Variants in LPP observed in about 807,000 individuals in gnomAD.
LPP encodes LIM domain containing preferred translocation partner in lipoma, also known as lipoma-preferred partner.
Under a neutral mutation model 60.4 loss-of-function variants are expected in LPP, and 38 were observed. The ratio of observed to expected loss-of-function variants is 0.63; its 90% confidence interval spans 0.49 to 0.83. LPP has a LOEUF of 0.83. LPP is among the 40% of genes least tolerant of loss of function. The probability of loss-of-function intolerance (pLI) is 0.00; values close to 1 mark genes in which losing one functional copy is unlikely to be tolerated. For synonymous variants in LPP, 328 were observed against 290.8 expected (o/e 1.13, Z -1.30); for missense variants, 902 against 783.6 (o/e 1.15, Z -1.80).
At chr3:188,591,842 G>A (rs1241293321) in intron 6 of LPP, among the ~76,000 whole-genome samples, 2 of 152,162 alleles carry the variant, frequency 1.3e-5, no homozygotes, top group East Asian at 1.9e-4. Context: ...ATTGTCTTGA[G>A]ACAACAAGGC....
intron 7 of LPP, among the ~76,000 whole-genome samples, chr3:188,630,717 ATGCACTTGTATGTTCAT>A (rs1847709491): frequency 6.6e-6 from 1 of 152,198 alleles, no homozygotes; most frequent in African/African-American, 2.4e-5. Context: ...GAAAAGACAA[ATGCACTTGTATGTTCAT>A]TGCAGCACTA....
chr3:188,832,743 G>A lies in LPP; in HGVS notation c.1411-33457G>A, dbSNP rs564110650. Among the ~76,000 whole-genome samples, 3 of 152,268 alleles carry A rather than the reference G, an allele frequency of 2.0e-5. No individual in the cohort carries two copies. The South Asian group carries it at 6.2e-4, about 32-fold the overall frequency. ...TGGCAAGGAACTTCCATTTCACAGG[G>A]CAACCATGTGTGTATTACAGAGGCT... is the stretch of plus-strand genomic sequence containing the variant. On this transcript the variant is annotated intron_variant, in intron 9 of 11. Coordinates refer to ENST00000617246, the MANE Select transcript of LPP (RefSeq NM_001375462.1).
chr3:188,664,601 A>ATG (rs537596536), intron 7 of LPP, among the ~76,000 whole-genome samples: 35 of 150,918 alleles, frequency 2.3e-4, no homozygotes, highest in Admixed American at 9.3e-4. Context: ...ATATATGTGT[A>ATG]TGTGTGTGTG....
In LPP at chr3:188,529,205, A is replaced by G. The variant is rs755656902; in HGVS notation, c.429+4418A>G. On this transcript the variant is annotated intron_variant, in intron 6 of 11. Coordinates refer to ENST00000617246, the MANE Select transcript of LPP (RefSeq NM_001375462.1). ...ACAATAATCACACACTTAAAATATTAAAAGTATGTGCCAAGAGAAGATGAT... is the reference window on the plus strand; with the variant it reads ...ACAATAATCACACACTTAAAATATTGAAAGTATGTGCCAAGAGAAGATGAT... Among the ~76,000 whole-genome samples, 229 of 152,360 alleles carry G rather than the reference A, an allele frequency of 1.5e-3. 3 individuals are homozygous for G. Among genetic ancestry groups the G allele is most frequent in the Non-Finnish European group, 2.1e-3 (140 of 68,034 alleles).
chr3:188,513,220 A>C (rs1391744330), intron 5 of LPP, among the ~76,000 whole-genome samples: 2 of 152,228 alleles, frequency 1.3e-5, no homozygotes, highest in African/African-American at 4.8e-5. Context: ...AGAGTTCAGA[A>C]AAGACAGTTC....
chr3:188,713,584 A>C (rs1712534508), intron 8 of LPP, among the ~76,000 whole-genome samples: 1 of 152,128 alleles, frequency 6.6e-6, no homozygotes, highest in African/African-American at 2.4e-5. Context: ...TTTATTTTGA[A>C]ATATTGATAG....
chr3:188,368,451 T>A lies in LPP; in HGVS notation c.-10+26732T>A, dbSNP rs528543068. ...GTTAAGCTGGAAGGGTCCTCAGAGA[T>A]CTTGTCCAAGCCCACCCTTGACAGA... On this transcript the variant is annotated intron_variant, in intron 3 of 11. Transcript: ENST00000617246. 4.0e-5 allele frequency among the ~76,000 whole-genome samples: 6 copies of A among 151,862 alleles called. No homozygotes were observed. The South Asian group carries it at 1.0e-3, about 26-fold the overall frequency.
At position 188,248,495 on chromosome 3, in the gene LPP, T is replaced by TATATATATATATATATATATATAC. The variant is rs1358563921; in HGVS notation, c.-67+22971_-67+22972insTATATATATATATATATATACATA. On this transcript the variant is annotated intron_variant, in intron 2 of 11. Coordinates refer to ENST00000617246, the MANE Select transcript of LPP (RefSeq NM_001375462.1). The stretch of plus-strand genomic sequence containing the variant: ...ATATATATATATATATATATATATA[T>TATATATATATATATATATATATAC]ATACAGTCAGCAGAGCTTGTTTTGG... 1.0e-4 allele frequency among the ~76,000 whole-genome samples: 14 copies of TATATATATATATATATATATATAC among 138,590 alleles called. 1 individual carries two copies. The highest frequency in any genetic ancestry group is 3.1e-4 in the African/African-American group (11 of 34,924). 90.9% of individuals were successfully genotyped at this position (138,590 alleles called of 152,430 possible).
In LPP at chr3:188,217,739, G is replaced by A. The variant is rs906255885; in HGVS notation, c.-189-7666G>A. Reference sequence around the variant, plus strand: ...AGGGAAATGAAAATAGGTGCCCTAGGGGGTTGCCCAGATAAGCAGCTGGCG... The same window carrying A: ...AGGGAAATGAAAATAGGTGCCCTAGAGGGTTGCCCAGATAAGCAGCTGGCG... On this transcript the variant is annotated intron_variant, in intron 1 of 11. Coordinates refer to ENST00000617246, the MANE Select transcript of LPP (RefSeq NM_001375462.1). The surrounding 1 kb of genome is among the most constrained non-coding windows in gnomAD (Gnocchi z 4.0). 5.9e-5 allele frequency among the ~76,000 whole-genome samples: 9 copies of A among 152,146 alleles called. No individual in the cohort carries two copies. Among genetic ancestry groups the A allele is most frequent in the African/African-American group, 1.9e-4 (8 of 41,426 alleles).
At chr3:188,828,483 C>T (rs1031491589) in intron 9 of LPP, among the ~76,000 whole-genome samples, 16 of 151,050 alleles carry the variant, frequency 1.1e-4, no homozygotes, top group African/African-American at 2.7e-4. Context: ...GGCATGGTGG[C>T]GGGCACCTGT....
At chr3:188,821,603 A>G (rs1753979454) in intron 9 of LPP, among the ~76,000 whole-genome samples, 1 of 152,044 alleles carries the variant, frequency 6.6e-6, no homozygotes, top group Admixed American at 6.6e-5. Context: ...TTACAATAAT[A>G]TATGTGCATA....
intron 1 of LPP, among the ~76,000 whole-genome samples, chr3:188,222,643 CTCTCTT>C (rs1303175620): frequency 1.3e-5 from 2 of 151,586 alleles, no homozygotes; most frequent in Non-Finnish European, 2.9e-5. Flanking sequence ...TTTTTTTATC[CTCTCTT>C]TCTCTGTCTC....
chr3:188,315,239 A>G (rs1279279297), intron 2 of LPP, among the ~76,000 whole-genome samples: 1 of 152,074 alleles, frequency 6.6e-6, no homozygotes, highest in Non-Finnish European at 1.5e-5. Context: ...ATTTATGGTT[A>G]TATTTCACAT....
intron 2 of LPP, among the ~76,000 whole-genome samples, chr3:188,269,645 A>AATGTGTGTG: frequency 7.3e-6 from 1 of 136,516 alleles, no homozygotes; most frequent in South Asian, 2.4e-4. Flanking sequence ...CTTTTTTTTT[A>AATGTGTGTG]TGTGTGTGTG....
intron 1 of LPP, chr3:188,179,337 C>T (rs763912527): frequency 1.3e-5 from 6 of 458,126 alleles, no homozygotes; most frequent in South Asian, 4.6e-5. Flanking sequence ...CACAGCTCTG[C>T]GGCCTCCTCC....
chr3:188,167,501 C>CACAAAACAAA (rs59953137), intron 1 of LPP, among the ~76,000 whole-genome samples: 39,653 of 143,364 alleles, frequency 0.28, 6,039 homozygotes, highest in African/African-American at 0.4. Context: ...ACTCCACCAC[C>CACAAAACAAA]ACAAAACAAA....
Position 188,655,827 on chromosome 3 carries a change from T to C in LPP, c.1113+45983T>C, listed in dbSNP as rs76348563. On this transcript the variant is annotated intron_variant, in intron 7 of 11. Transcript: ENST00000617246. ...TGAACTTTTCAGTCAAAACCTACCATATGCAGCTCTTACCAGTGACTTCAG... is the reference window on the plus strand; with the variant it reads ...TGAACTTTTCAGTCAAAACCTACCACATGCAGCTCTTACCAGTGACTTCAG... Among the ~76,000 whole-genome samples, 3,933 of 152,206 alleles carry C rather than the reference T, an allele frequency of 0.026. 421 individuals are homozygous for C. The East Asian group carries it at 0.36, about 14-fold the overall frequency.
At chr3:188,250,728 T>TTCTC (rs1175360574) in intron 2 of LPP, among the ~76,000 whole-genome samples, 2 of 24,468 alleles carry the variant, frequency 8.2e-5, no homozygotes, top group East Asian at 1.7e-3. Context: ...CTTTCTCTCT[T>TTCTC]TCTTTCTTTC....
chr3:188,284,256 G>A (rs1206270347), intron 2 of LPP, among the ~76,000 whole-genome samples: 1 of 151,988 alleles, frequency 6.6e-6, no homozygotes, highest in Non-Finnish European at 1.5e-5. Context: ...GCCAGGAGGA[G>A]CTCTTACAGA....
Sources: allele counts gnomAD v4.1 joint callset (sites outside exome capture counted in the v4.1 genomes callset), GRCh38; gene constraint gnomAD v4.1.1; non-coding constraint Gnocchi (gnomAD v3.1); transcripts MANE v1.5; gene names NCBI Gene and HGNC (gene_info 2026-07-23, HGNC 2026-07-21).